The following CPQ variants were observed in gnomAD, a reference collection of about 807,000 sequenced individuals.
CPQ encodes Ser-Met dipeptidase.
Under a neutral mutation model 45.7 loss-of-function variants are expected in CPQ, and 37 were observed. That is an observed-to-expected ratio of 0.81 (90% confidence interval 0.62 to 1.07). CPQ has a LOEUF of 1.07. Ranked by LOEUF, CPQ falls within the 50% of genes least tolerant of loss-of-function variation. CPQ has a pLI of 0.00. For missense variants in CPQ, 537 were observed against 572.9 expected (o/e 0.94, Z 0.64); for synonymous variants, 186 against 205.8 (o/e 0.90, Z 0.82).
chr8:97,109,439 G>A (rs1586545494), intron 7 of CPQ, among the ~76,000 whole-genome samples: 1 of 152,088 alleles, frequency 6.6e-6, no homozygotes. Flanking sequence ...GAGGATGTCT[G>A]TCAGGGGTTC....
intron 5 of CPQ, among the ~76,000 whole-genome samples, chr8:96,982,317 G>A (rs1813915313): frequency 6.6e-6 from 1 of 152,088 alleles, no homozygotes; most frequent in South Asian, 2.1e-4. Context: ...CTTAAATGAA[G>A]TAGAGTCAAA....
At chr8:97,031,924 C>T (rs189889164) in intron 6 of CPQ, among the ~76,000 whole-genome samples, 1 of 152,288 alleles carries the variant, frequency 6.6e-6, no homozygotes, top group East Asian at 1.9e-4. Context: ...TTTCAAAGGA[C>T]TTATTCTGGA....
intron 6 of CPQ, among the ~76,000 whole-genome samples, chr8:97,044,823 C>G (rs2130496440): frequency 6.6e-6 from 1 of 152,314 alleles, no homozygotes; most frequent in South Asian, 2.1e-4. Context: ...GCGAATGCTG[C>G]TGTCTGATCC....
At chr8:97,111,885 T>A (rs746386669) in intron 7 of CPQ, among the ~76,000 whole-genome samples, 1 of 152,236 alleles carries the variant, frequency 6.6e-6, no homozygotes, top group Non-Finnish European at 1.5e-5. Flanking sequence ...GCACCTGGTC[T>A]GTTTCTTCAT....
chr8:96,874,497 T>C (rs1812120689), intron 3 of CPQ, among the ~76,000 whole-genome samples: 1 of 151,818 alleles, frequency 6.6e-6, no homozygotes, highest in Non-Finnish European at 1.5e-5. Flanking sequence ...ACCTAAAATT[T>C]ACTTTCTATC....
intron 1 of CPQ, among the ~76,000 whole-genome samples, chr8:96,737,355 G>GAGATATATATATAT (rs1554561433): frequency 2.5e-5 from 3 of 118,008 alleles, no homozygotes; most frequent in South Asian, 2.8e-4. Flanking sequence ...ACTAATAGGA[G>GAGATATATATATAT]ATATATATAT....
intron 1 of CPQ, among the ~76,000 whole-genome samples, chr8:96,717,061 ATATATATATATATATAC>A (rs2130758916): frequency 2.8e-5 from 3 of 105,514 alleles, no homozygotes; most frequent in East Asian, 2.9e-4. Flanking sequence ...ATATATATAT[ATATATATATATATATAC>A]GTATATATAC....
intron 1 of CPQ, among the ~76,000 whole-genome samples, chr8:96,650,203 T>G (rs1327782744): frequency 6.6e-6 from 1 of 152,164 alleles, no homozygotes; most frequent in African/African-American, 2.4e-5. Flanking sequence ...GCAGAGAAAG[T>G]GTTTGGAGAC....
chr8:96,677,938 A>C (rs1809097201), intron 1 of CPQ, among the ~76,000 whole-genome samples: 1 of 151,924 alleles, frequency 6.6e-6, no homozygotes, highest in Admixed American at 6.6e-5. Flanking sequence ...CCCTTTCCTC[A>C]ATTTATGTTT....
intron 1 of CPQ, among the ~76,000 whole-genome samples, chr8:96,669,110 T>C (rs1024539072): frequency 3.9e-5 from 6 of 152,198 alleles, no homozygotes; most frequent in African/African-American, 1.2e-4. Flanking sequence ...GAAGACCAAG[T>C]AGAGGTACTT....
In CPQ at chr8:97,134,146, C is replaced by T. The variant is rs565699774; in HGVS notation, c.1256-8874C>T. Reference sequence around the variant, plus strand: ...AATCTTTATTTCTGCTTTTGTCCCACTACATGTTAAGAATTTTTTCATTTA... The same window carrying T: ...AATCTTTATTTCTGCTTTTGTCCCATTACATGTTAAGAATTTTTTCATTTA... On this transcript the variant is annotated intron_variant, in intron 7 of 7. Coordinates refer to ENST00000220763, the MANE Select transcript of CPQ (RefSeq NM_016134.4). 1.2e-4 allele frequency among the ~76,000 whole-genome samples: 18 copies of T among 152,270 alleles called. No homozygotes were observed. In the South Asian group the frequency reaches 2.7e-3, roughly 23 times the overall value.
intron 7 of CPQ, among the ~76,000 whole-genome samples, chr8:97,094,615 A>C (rs35545747): frequency 0.087 from 13,239 of 152,146 alleles, 674 homozygotes; most frequent in South Asian, 0.11. Flanking sequence ...CTTCTTATCC[A>C]GGGCTATGTT....
At chr8:96,958,897 C>T (rs1288982898) in intron 4 of CPQ, among the ~76,000 whole-genome samples, 3 of 146,860 alleles carry the variant, frequency 2.0e-5, no homozygotes, top group Non-Finnish European at 4.5e-5. Flanking sequence ...CAAGCTAACA[C>T]CCAACAGCTT....
intron 7 of CPQ, among the ~76,000 whole-genome samples, chr8:97,118,257 T>C (rs984592544): frequency 3.3e-5 from 5 of 152,072 alleles, no homozygotes; most frequent in Non-Finnish European, 7.3e-5. Flanking sequence ...TGGAAAATGT[T>C]CACAATGATG....
At chr8:96,872,975 G>C (rs760351092) in intron 3 of CPQ, among the ~76,000 whole-genome samples, 27 of 151,840 alleles carry the variant, frequency 1.8e-4, no homozygotes, top group Non-Finnish European at 3.0e-4. Flanking sequence ...AGTCCTTCCT[G>C]TATGGTGTGG....
intron 1 of CPQ, among the ~76,000 whole-genome samples, chr8:96,659,978 T>C (rs1815680931): frequency 6.6e-6 from 1 of 152,182 alleles, no homozygotes; most frequent in East Asian, 1.9e-4. Context: ...AGACCTACAT[T>C]TTGAAAAATT....
At chr8:96,751,271 T>C (rs905810482) in intron 1 of CPQ, among the ~76,000 whole-genome samples, 4 of 152,210 alleles carry the variant, frequency 2.6e-5, no homozygotes, top group Non-Finnish European at 5.9e-5. Context: ...ACAGCATTCC[T>C]TTTTCTTCAC....
At chr8:96,889,039 C>T (rs1812340129) in intron 4 of CPQ, among the ~76,000 whole-genome samples, 1 of 152,098 alleles carries the variant, frequency 6.6e-6, no homozygotes, top group African/African-American at 2.4e-5. Flanking sequence ...TCAGCCTTTC[C>T]TGAAGATGGG....
chr8:96,820,617 T>A (rs1811288330), intron 2 of CPQ, among the ~76,000 whole-genome samples: 1 of 152,044 alleles, frequency 6.6e-6, no homozygotes, highest in African/African-American at 2.4e-5. Flanking sequence ...TTCAATTCCA[T>A]CTATGTTGCT....
Sources: gnomAD v4.1 joint callset for allele counts (sites outside exome capture counted in the v4.1 genomes callset) on GRCh38, gnomAD v4.1.1 for gene constraint, MANE v1.5 for transcripts, NCBI Gene and HGNC (gene_info 2026-07-23, HGNC 2026-07-21) for gene names.